EYS: variants seen among roughly 807,000 people sequenced by gnomAD.
EYS encodes the protein protein eyes shut homolog.
EYS carries 250 observed loss-of-function variants against 282.1 expected under a neutral mutation model. The ratio of observed to expected loss-of-function variants is 0.89; its 90% CI spans 0.80 to 0.98. EYS has a LOEUF of 0.98. EYS is among the 50% of genes least tolerant of loss of function. The pLI is 0.00. For synonymous variants in EYS, 1,355 were observed against 1,282.9 expected (o/e 1.06, Z -1.20); for missense variants, 4,016 against 3,709.0 (o/e 1.08, Z -2.15).
intron 22 of EYS, among the ~76,000 whole-genome samples, chr6:64,779,948 T>C (rs1302679672): frequency 6.6e-6 from 1 of 152,224 alleles, no homozygotes; most frequent in Non-Finnish European, 1.5e-5. Flanking sequence ...TGCTAACTTA[T>C]ATAAATGATG....
chr6:64,800,720 C>T (rs1774514456), intron 22 of EYS, among the ~76,000 whole-genome samples: 1 of 151,824 alleles, frequency 6.6e-6, no homozygotes, highest in African/African-American at 2.4e-5. Flanking sequence ...CATACACTGA[C>T]ATTAGCTTTT....
At chr6:64,964,271 T>C (rs1583338137) in intron 14 of EYS, among the ~76,000 whole-genome samples, 2 of 152,248 alleles carry the variant, frequency 1.3e-5, no homozygotes, top group East Asian at 3.9e-4. Context: ...TTGGAAATAA[T>C]CACTTTTTAC....
chr6:65,595,644 T>C (rs1459783275), intron 2 of EYS, among the ~76,000 whole-genome samples: 5 of 115,436 alleles, frequency 4.3e-5, no homozygotes, highest in African/African-American at 1.7e-4. Flanking sequence ...ACAGCTCTTT[T>C]ATCTCAAAAA....
At chr6:65,197,207 C>A (rs561566372) in intron 12 of EYS, among the ~76,000 whole-genome samples, 1 of 151,840 alleles carries the variant, frequency 6.6e-6, no homozygotes, top group Non-Finnish European at 1.5e-5. Flanking sequence ...CATATAATAA[C>A]GACGCTAAAA....
At position 64,255,135 on chromosome 6, in the gene EYS, T is replaced by C. The variant is rs113731203; in HGVS notation, c.6192-24311A>G. On this transcript the variant is annotated intron_variant, in intron 30 of 42. Transcript: ENST00000503581. ...CTTATTTTTAGCATTTAAGCCATCA[T>C]TGTTGACCATGATAATTGCAATTTC... 9.0e-3 allele frequency among the ~76,000 whole-genome samples: 1,374 copies of C among 152,126 alleles called. 10 individuals are homozygous for C. Among genetic ancestry groups the C allele is most frequent in the Non-Finnish European group, 0.013 (889 of 67,990 alleles).
intron 30 of EYS, among the ~76,000 whole-genome samples, chr6:64,242,197 GAGTTCA>G (rs113443849): frequency 5.1e-4 from 78 of 152,208 alleles, no homozygotes; most frequent in African/African-American, 1.6e-3. Flanking sequence ...GTCCACAGCT[GAGTTCA>G]AGTCCTGGAT....
In EYS at chr6:65,271,979, A is replaced by C. The variant is rs567807367; in HGVS notation, c.2023+23884T>G. On this transcript the variant is annotated intron_variant, in intron 12 of 42. Transcript: ENST00000503581. Reference sequence around the variant, plus strand: ...CCTGAATTTGATTTTCAGCATTCTTAGTCCTATGTCTACAGGAGGTAAAGT... The same window carrying C: ...CCTGAATTTGATTTTCAGCATTCTTCGTCCTATGTCTACAGGAGGTAAAGT... 8.8e-4 allele frequency among the ~76,000 whole-genome samples: 134 copies of C among 152,266 alleles called. 1 individual carries two copies. The highest frequency in any genetic ancestry group is 3.2e-3 in the African/African-American group (131 of 41,554).
intron 41 of EYS, among the ~76,000 whole-genome samples, chr6:63,749,486 A>G (rs542173547): frequency 6.6e-6 from 1 of 152,256 alleles, no homozygotes; most frequent in South Asian, 2.1e-4. Context: ...AGTTCTGTAG[A>G]TGTCTGTCAC....
intron 28 of EYS, among the ~76,000 whole-genome samples, chr6:64,397,773 T>C (rs1448092353): frequency 6.6e-6 from 1 of 152,008 alleles, no homozygotes; most frequent in Non-Finnish European, 1.5e-5. Flanking sequence ...ACTTCTGCTC[T>C]TTATGATTTC....
intron 22 of EYS, among the ~76,000 whole-genome samples, chr6:64,694,907 G>A (rs1770522078): frequency 6.6e-6 from 1 of 152,076 alleles, no homozygotes; most frequent in Non-Finnish European, 1.5e-5. Flanking sequence ...GCCAGTGTCA[G>A]GCTGTGGGAG....
chr6:64,221,825 T>G (rs1046866228), intron 31 of EYS, among the ~76,000 whole-genome samples: 2 of 152,048 alleles, frequency 1.3e-5, no homozygotes, highest in Non-Finnish European at 2.9e-5. Context: ...AGAGGAGTCC[T>G]GGAGCCAATC....
At chr6:64,585,173 G>A (rs616897) in intron 26 of EYS, among the ~76,000 whole-genome samples, 3,302 of 152,066 alleles carry the variant, frequency 0.022, 135 homozygotes, top group African/African-American at 0.075. Context: ...GGCAGCAATA[G>A]GGATACAGAT....
At chr6:64,151,361 A>ATATG (rs1554212640) in intron 31 of EYS, among the ~76,000 whole-genome samples, 25 of 85,034 alleles carry the variant, frequency 2.9e-4, no homozygotes, top group African/African-American at 1.2e-3. Context: ...ATATATATAT[A>ATATG]TAATTTTTTT....
chr6:63,738,721 AAAACTT>A (rs1768994176), intron 41 of EYS, among the ~76,000 whole-genome samples: 1 of 152,124 alleles, frequency 6.6e-6, no homozygotes, highest in Non-Finnish European at 1.5e-5. Flanking sequence ...CATGTACCCT[AAAACTT>A]AAAGTATAAT....
rs368440268 is a variant in EYS at position 63,788,161 on chromosome 6, C to T, written c.7667G>A (p.Ser2556Asn). The T allele has an allele frequency of 4.5e-6, 7 of 1,549,246 alleles. No individual in the cohort carries two copies. In the Admixed American group the frequency reaches 5.9e-5, roughly 13 times the overall value. The part of the protein sequence containing the change: ...VFSQFYVGGY[S>N]EYTPDLLPNG... ...TGGTAAGAGATCTGGAGTGTATTCA[C>T]TGTAGCCACCTACATAAAACTGACT... The change falls in exon 39 of 43, where the codon AGT (serine) becomes AAT (asparagine). Residue 2556 changes from serine to asparagine, a missense_variant. Ser to Asn is a conservative substitution (Grantham distance 46). Coordinates refer to ENST00000503581, the MANE Select transcript of EYS (RefSeq NM_001142800.2).
At chr6:65,002,800 C>G (rs988430150) in intron 13 of EYS, among the ~76,000 whole-genome samples, 1 of 147,430 alleles carries the variant, frequency 6.8e-6, no homozygotes, top group Admixed American at 6.7e-5. Flanking sequence ...ATTAGTTCCC[C>G]AAATTAATAC....
chr6:63,840,880 C>G (rs1936377708), intron 36 of EYS, among the ~76,000 whole-genome samples: 1 of 152,116 alleles, frequency 6.6e-6, no homozygotes, highest in Non-Finnish European at 1.5e-5. Context: ...GGAATCTATT[C>G]TGTTCCATTA....
At chr6:64,564,517 G>C (rs1343345316) in intron 26 of EYS, among the ~76,000 whole-genome samples, 7 of 151,722 alleles carry the variant, frequency 4.6e-5, no homozygotes, top group Non-Finnish European at 1.0e-4. Context: ...TCTTGACCTC[G>C]TGATCCGTCC....
intron 19 of EYS, among the ~76,000 whole-genome samples, chr6:64,860,866 C>T (rs1018858455): frequency 1.3e-5 from 2 of 152,308 alleles, no homozygotes; most frequent in Admixed American, 1.3e-4. Context: ...GTGGATAGCT[C>T]CTCTTAGCAG....
Sources: gnomAD v4.1 joint callset for allele counts (sites outside exome capture counted in the v4.1 genomes callset) on GRCh38, gnomAD v4.1.1 for gene constraint, MANE v1.5 for transcripts, NCBI Gene and HGNC (gene_info 2026-07-23, HGNC 2026-07-21) for gene names.